CEP128: variants seen among roughly 807,000 people sequenced by gnomAD.
CEP128 encodes the protein centrosomal protein 128, also known as centrosomal protein 128kDa.
CEP128 carries 132 observed loss-of-function variants against 156.7 expected under a neutral mutation model. That is an observed-to-expected ratio of 0.84 (90% CI 0.73 to 0.97). CEP128 has a LOEUF of 0.97. Among genes scored for constraint, CEP128 ranks in the 50% least tolerant of loss-of-function variants. The pLI is 0.00. For synonymous variants in CEP128, 469 were observed against 448.9 expected, an observed-to-expected ratio of 1.04 and a Z score of -0.57; for missense variants, 1,252 against 1,281.9, an observed-to-expected ratio of 0.98 and a Z score of 0.36.
chr14:80,822,260 G>A (rs1885226983), intron 13 of CEP128, among the ~76,000 whole-genome samples: 1 of 152,106 alleles, frequency 6.6e-6, no homozygotes, highest in Non-Finnish European at 1.5e-5. Flanking sequence ...CCGCCCATAA[G>A]CCCGTAAAAG....
At chr14:80,670,467 A>C (rs560802106) in intron 19 of CEP128, among the ~76,000 whole-genome samples, 6 of 152,296 alleles carry the variant, frequency 3.9e-5, no homozygotes, top group African/African-American at 1.4e-4. Flanking sequence ...AAATGAAATC[A>C]TGTCTTTTGC....
downstream of CEP128, among the ~76,000 whole-genome samples, chr14:80,488,685 G>A (rs1004556815): frequency 4.6e-5 from 7 of 152,086 alleles, no homozygotes; most frequent in East Asian, 1.9e-4. Flanking sequence ...ACATGCACAC[G>A]TATGTTTATT....
chr14:80,649,467 G>T (rs1369502413), intron 19 of CEP128, among the ~76,000 whole-genome samples: 1 of 151,928 alleles, frequency 6.6e-6, no homozygotes, highest in Non-Finnish European at 1.5e-5. Flanking sequence ...AGAGAAAAAA[G>T]AGATTAAAAA....
intron 2 of CEP128, among the ~76,000 whole-genome samples, chr14:80,932,522 CATCTT>C (rs988716909): frequency 2.6e-5 from 4 of 152,140 alleles, no homozygotes; most frequent in African/African-American, 9.7e-5. Context: ...CCATTTCCAA[CATCTT>C]ATCTTTGTGA....
intron 2 of CEP128, among the ~76,000 whole-genome samples, chr14:80,938,536 C>T (rs747981138): frequency 1.3e-5 from 2 of 152,070 alleles, no homozygotes; most frequent in Non-Finnish European, 2.9e-5. Flanking sequence ...CGTGAGCCAC[C>T]GCGCCCGGCC....
intron 19 of CEP128, among the ~76,000 whole-genome samples, chr14:80,646,583 T>C (rs552702271): frequency 1.8e-4 from 27 of 152,188 alleles, no homozygotes; most frequent in Admixed American, 1.3e-4. Flanking sequence ...ACAACATGTA[T>C]ATGTACACAA....
At chr14:80,655,206 G>A (rs1360427734) in intron 19 of CEP128, among the ~76,000 whole-genome samples, 3 of 152,030 alleles carry the variant, frequency 2.0e-5, no homozygotes, top group Non-Finnish European at 4.4e-5. Context: ...ATTATACAGT[G>A]GAATTCAGGA....
At chr14:80,674,568 T>C (rs565123316) in intron 19 of CEP128, among the ~76,000 whole-genome samples, 2 of 152,240 alleles carry the variant, frequency 1.3e-5, no homozygotes, top group Admixed American at 6.5e-5. Context: ...CATTTCTTTA[T>C]TAAGTTTTAG....
chr14:80,770,983 T>C (rs1292643396), intron 16 of CEP128, among the ~76,000 whole-genome samples: 1 of 152,176 alleles, frequency 6.6e-6, no homozygotes, highest in African/African-American at 2.4e-5. Flanking sequence ...GAATACTTCA[T>C]AGAACAGACA....
chr14:80,766,065 C>G (rs2057966767), intron 16 of CEP128, among the ~76,000 whole-genome samples: 1 of 151,938 alleles, frequency 6.6e-6, no homozygotes, highest in East Asian at 1.9e-4. Context: ...CAGAATAGAC[C>G]ACAAAATCAA....
intron 19 of CEP128, among the ~76,000 whole-genome samples, chr14:80,692,776 CCA>C (rs1896761794): frequency 6.6e-6 from 1 of 152,158 alleles, no homozygotes; most frequent in African/African-American, 2.4e-5. Context: ...CAGCAAGACT[CCA>C]CAGTTTTCTC....
At chr14:80,841,383 T>C (rs1886342378) in intron 9 of CEP128, among the ~76,000 whole-genome samples, 2 of 152,078 alleles carry the variant, frequency 1.3e-5, no homozygotes, top group Non-Finnish European at 2.9e-5. Context: ...CAGCAAAATA[T>C]GTTAAAAACT....
Position 80,568,786 on chromosome 14 carries a change from T to C in CEP128, c.2857-9484A>G, listed in dbSNP as rs147460821. On this transcript the variant is annotated intron_variant, in intron 20 of 24. Coordinates refer to ENST00000555265, the MANE Select transcript of CEP128 (RefSeq NM_152446.5). ...TCTGATTATCATTGGTACACTCTTC[T>C]TTCTAAGAACAACGAGGGGAAAAAA... 2.6e-3 allele frequency among the ~76,000 whole-genome samples: 398 copies of C among 152,268 alleles called. 1 individual carries two copies. The highest frequency in any genetic ancestry group is 8.5e-3 in the African/African-American group (353 of 41,540).
At chr14:80,899,906 T>C (rs780098021) in intron 7 of CEP128, 32 bp downstream of exon 7, 3 of 1,396,300 alleles carry the variant, frequency 2.1e-6, no homozygotes, top group East Asian at 2.3e-5. Flanking sequence ...TCATAATTTA[T>C]CCCTCCCATA....
At chr14:80,714,415 G>A (rs576595618) in intron 19 of CEP128, among the ~76,000 whole-genome samples, 1 of 152,228 alleles carries the variant, frequency 6.6e-6, no homozygotes, top group Admixed American at 6.5e-5. Flanking sequence ...ACAGAAGGGA[G>A]GCTGTGGCTA....
intron 8 of CEP128, among the ~76,000 whole-genome samples, chr14:80,875,952 A>T (rs1008339875): frequency 1.3e-5 from 2 of 152,148 alleles, no homozygotes; most frequent in Non-Finnish European, 2.9e-5. Flanking sequence ...AAATAACAAA[A>T]TAGCATAAAA....
intron 8 of CEP128, among the ~76,000 whole-genome samples, chr14:80,874,240 G>A (rs2139275491): frequency 6.6e-6 from 1 of 152,216 alleles, no homozygotes; most frequent in East Asian, 1.9e-4. Context: ...GAGGCAGGCT[G>A]ACCATCTGAG....
rs776390519 is a variant in CEP128 at position 80,792,913 on chromosome 14, C to T, written c.1407G>A (p.Glu469=). The change falls in exon 14 of 25, where the codon GAG becomes GAA. Residue 469 remains glutamate, a synonymous_variant. Coordinates refer to ENST00000555265, the MANE Select transcript of CEP128 (RefSeq NM_152446.5). ...TCTTCTCCGCCTCCTCTTTCAGAGCCTCTGACTGCTGGAGCTCACTGAGGT... is the reference window on the plus strand; with the variant it reads ...TCTTCTCCGCCTCCTCTTTCAGAGCTTCTGACTGCTGGAGCTCACTGAGGT... ...ERYLSELQQS[E]ALKEEAEKRR... is the part of the protein sequence containing the mutation. The T allele has an allele frequency of 1.9e-6, 3 of 1,614,064 alleles. No individual in the cohort carries two copies. The highest frequency in any genetic ancestry group is 2.5e-6 in the Non-Finnish European group (3 of 1,180,048).
chr14:80,627,642 T>C (rs574839479), intron 19 of CEP128, among the ~76,000 whole-genome samples: 2 of 152,194 alleles, frequency 1.3e-5, no homozygotes, highest in Non-Finnish European at 2.9e-5. Context: ...TATTTAGAAA[T>C]TATTCACAGG....
Sources: allele counts gnomAD v4.1 joint callset (sites outside exome capture counted in the v4.1 genomes callset), GRCh38; gene constraint gnomAD v4.1.1; transcripts MANE v1.5; gene names NCBI Gene and HGNC (gene_info 2026-07-23, HGNC 2026-07-21).